The following ZFHX3 variants were observed in gnomAD, a reference collection of about 807,000 sequenced individuals.
The protein encoded by ZFHX3 is zinc finger homeobox 3.
ZFHX3 carries 42 observed loss-of-function variants against 279.1 expected under a neutral mutation model. The observed-to-expected ratio is 0.15, with a 90% CI of 0.12 to 0.19. ZFHX3 has a LOEUF of 0.19. Ranked by LOEUF, ZFHX3 falls within the 10% of genes least tolerant of loss-of-function variation. The pLI is 1.00. For missense variants in ZFHX3, 4,981 were observed against 4,754.0 expected (o/e 1.05, Z -1.40); for synonymous variants, 2,293 against 1,957.8 (o/e 1.17, Z -4.52).
chr16:72,788,200 G>A lies in ZFHX3; in HGVS notation c.10076C>T (p.Ser3359Phe). ...SQALMGLSPGSLLQQYQQYQQ... is the reference protein window; with the variant it reads ...SQALMGLSPGFLLQQYQQYQQ... The stretch of plus-strand genomic sequence containing the variant: ...GTATTGCTGGTACTGCTGCAGTAGG[G>A]AGCCTGGGGACAGCCCCATCAGGGC... Residue 3359 changes from serine (S) to phenylalanine (F), a missense_variant, in exon 10 of 10, where the codon TCC becomes TTC. Transcript: ENST00000268489. The A allele has an allele frequency of 1.9e-6, 3 of 1,612,722 alleles. No individual in the cohort carries two copies. Among genetic ancestry groups the A allele is most frequent in the Non-Finnish European group, 1.7e-6 (2 of 1,179,110 alleles).
At chr16:73,693,577 T>G (rs141118363) in intron 1 of ZFHX3, among the ~76,000 whole-genome samples, 2 of 151,366 alleles carry the variant, frequency 1.3e-5, no homozygotes, top group East Asian at 2.0e-4. Flanking sequence ...AAGAGGAAAG[T>G]TGGGTTCTTT....
chr16:73,344,619 G>C (rs1415203868), intron 3 of ZFHX3, among the ~76,000 whole-genome samples: 1 of 152,142 alleles, frequency 6.6e-6, no homozygotes, highest in Admixed American at 6.5e-5. Context: ...ACACCAACAT[G>C]TTTAGGGATA....
chr16:72,907,029 C>T (rs1216042489), intron 3 of ZFHX3, among the ~76,000 whole-genome samples: 2 of 152,180 alleles, frequency 1.3e-5, no homozygotes, highest in Admixed American at 1.3e-4. Context: ...CCCGGGGCTA[C>T]AGTATTAAGA....
chr16:72,874,138 C>T lies in ZFHX3; in HGVS notation c.3448+15593G>A, dbSNP rs530341967. Among the ~76,000 whole-genome samples, 24 of 150,930 alleles carry T rather than the reference C, an allele frequency of 1.6e-4. 1 individual carries two copies. Among genetic ancestry groups the T allele is most frequent in the African/African-American group, 4.9e-4 (20 of 41,008 alleles). On this transcript the variant is annotated intron_variant, in intron 4 of 9. Transcript: ENST00000268489. The stretch of plus-strand genomic sequence containing the variant: ...CTTTTAAACAGGTGGTCTTTCGTGA[C>T]GCATGCACTCTCACCAGCCTCACTT...
intron 1 of ZFHX3, among the ~76,000 whole-genome samples, chr16:73,036,959 G>T (rs938668864): frequency 6.6e-6 from 1 of 152,188 alleles, no homozygotes. Context: ...TTTATTGTGA[G>T]AGAAGTTATT....
intron 1 of ZFHX3, among the ~76,000 whole-genome samples, chr16:73,762,061 G>T (rs935894869): frequency 3.3e-5 from 5 of 151,010 alleles, no homozygotes; most frequent in Admixed American, 2.6e-4. Flanking sequence ...CAGAATGGGA[G>T]AAAATTTTTG....
chr16:72,968,953 T>C (rs1035777115), intron 1 of ZFHX3, among the ~76,000 whole-genome samples: 2 of 152,284 alleles, frequency 1.3e-5, no homozygotes, highest in African/African-American at 4.8e-5. Flanking sequence ...TACACATATA[T>C]ACACACATAT....
intron 2 of ZFHX3, among the ~76,000 whole-genome samples, chr16:73,567,678 T>C (rs916356323): frequency 2.0e-5 from 3 of 152,220 alleles, no homozygotes; most frequent in African/African-American, 7.2e-5. Flanking sequence ...ACTTCATCCA[T>C]TTATTTTGTT....
intron 2 of ZFHX3, among the ~76,000 whole-genome samples, chr16:73,499,012 A>G (rs1462591540): frequency 6.6e-6 from 1 of 152,230 alleles, no homozygotes; most frequent in African/African-American, 2.4e-5. Context: ...CTATGTGTTT[A>G]TGAGACCTGA....
Position 72,984,347 on chromosome 16 carries a change from C to T in ZFHX3, c.-49-24153G>A, listed in dbSNP as rs181316706. 9.8e-5 allele frequency among the ~76,000 whole-genome samples: 15 copies of T among 152,292 alleles called. No homozygotes were observed. In the East Asian group the frequency reaches 2.9e-3, roughly 29 times the overall value. On this transcript the variant is annotated intron_variant, in intron 1 of 9. Transcript: ENST00000268489. ...AAACTTGAAAAATTCACTGGTGAGG[C>T]CAGGTGCAGTGGCTCATGCCTATAA... is the stretch of plus-strand genomic sequence containing the variant.
intron 4 of ZFHX3, among the ~76,000 whole-genome samples, chr16:73,280,462 T>A (rs2014428343): frequency 6.6e-6 from 1 of 152,104 alleles, no homozygotes; most frequent in Non-Finnish European, 1.5e-5. Context: ...AGTTGACATT[T>A]CTCCAAAGAA....
intron 2 of ZFHX3, among the ~76,000 whole-genome samples, chr16:73,555,142 C>T (rs1176559678): frequency 1.3e-5 from 2 of 152,096 alleles, no homozygotes; most frequent in Admixed American, 1.3e-4. Flanking sequence ...TCTTCTAGAA[C>T]ATTGAAGGCA....
intron 1 of ZFHX3, among the ~76,000 whole-genome samples, chr16:73,803,786 T>A (rs1363190511): frequency 2.6e-5 from 4 of 152,202 alleles, no homozygotes; most frequent in African/African-American, 9.7e-5. Flanking sequence ...ATGTCAGTTT[T>A]ATAAAGTAAA....
chr16:73,589,469 C>T (rs1312882573), intron 2 of ZFHX3, among the ~76,000 whole-genome samples: 34 of 146,434 alleles, frequency 2.3e-4, no homozygotes, highest in Admixed American at 1.8e-3. Context: ...CGGTGGCTCA[C>T]GCCTGTAATC....
chr16:72,796,551 G>A lies in ZFHX3; in HGVS notation c.6131C>T (p.Pro2044Leu), dbSNP rs1295764638. ...CGGAAGTGGGGGTGGAGGGGGTGGA[G>A]GGGGAGGTGGTGGTGGCTCTGGGGT... ...PQTPEPPPPP[P>L]PPPPPPLPAA... Residue 2044 changes from proline (P) to leucine (L), a missense_variant, in exon 9 of 10, where the codon CCT becomes CTT. By Grantham distance (98) the Pro-to-Leu change is moderately conservative (BLOSUM62 -3). Coordinates refer to ENST00000268489, the MANE Select transcript of ZFHX3 (RefSeq NM_006885.4). The A allele has an allele frequency of 6.2e-6, 10 of 1,610,584 alleles. No individual in the cohort carries two copies. Among genetic ancestry groups the A allele is most frequent in the Non-Finnish European group, 8.5e-6 (10 of 1,179,592 alleles).
At chr16:72,885,124 G>A (rs1382654385) in intron 4 of ZFHX3, among the ~76,000 whole-genome samples, 1 of 152,242 alleles carries the variant, frequency 6.6e-6, no homozygotes. Flanking sequence ...CTATTGTGGG[G>A]TAGGGGTGGA....
At chr16:73,856,110 T>A (rs1454767329) in intron 1 of ZFHX3, among the ~76,000 whole-genome samples, 1 of 152,208 alleles carries the variant, frequency 6.6e-6, no homozygotes, top group African/African-American at 2.4e-5. Flanking sequence ...CAAAGACTTA[T>A]GTACATTTTG....
chr16:73,782,713 T>A (rs912695488), intron 1 of ZFHX3, among the ~76,000 whole-genome samples: 5 of 152,164 alleles, frequency 3.3e-5, no homozygotes, highest in Non-Finnish European at 7.3e-5. Flanking sequence ...CGCATGACCC[T>A]CTGGTTCTGC....
chr16:73,854,168 A>G (rs1961659401), intron 1 of ZFHX3, among the ~76,000 whole-genome samples: 1 of 152,240 alleles, frequency 6.6e-6, no homozygotes, highest in African/African-American at 2.4e-5. Context: ...ACCTACTTAT[A>G]AACTTGTTGG....
Sources: gnomAD v4.1 joint callset for allele counts (sites outside exome capture counted in the v4.1 genomes callset) on GRCh38, gnomAD v4.1.1 for gene constraint, MANE v1.5 for transcripts, NCBI Gene and HGNC (gene_info 2026-07-23, HGNC 2026-07-21) for gene names.